KALRN: variants seen among roughly 807,000 people sequenced by gnomAD.
The protein encoded by KALRN is kalirin.
Under a neutral mutation model 353.7 loss-of-function variants are expected in KALRN, and 70 were observed. The observed-to-expected ratio is 0.20, with a 90% CI of 0.16 to 0.24. The LOEUF is 0.24. Ranked by LOEUF, KALRN falls within the 10% of genes least tolerant of loss-of-function variation. KALRN has a pLI of 1.00. For synonymous variants in KALRN, 1,391 were observed against 1,434.8 expected (o/e 0.97, Z 0.69); for missense variants, 2,791 against 3,756.7 (o/e 0.74, Z 6.72).
At chr3:124,188,369 G>C (rs1207918411) in intron 1 of KALRN, among the ~76,000 whole-genome samples, 10 of 152,204 alleles carry the variant, frequency 6.6e-5, no homozygotes, top group Non-Finnish European at 8.8e-5. Context: ...GGGTGCGCAA[G>C]GGTGGTGGAG....
intron 36 of KALRN, among the ~76,000 whole-genome samples, chr3:124,635,020 C>G (rs533852006): frequency 6.6e-6 from 1 of 152,146 alleles, no homozygotes; most frequent in Non-Finnish European, 1.5e-5. Context: ...TGTGCTAGGC[C>G]GGAAGGACAA....
chr3:124,633,447 C>G (rs565140618), intron 35 of KALRN, among the ~76,000 whole-genome samples: 3 of 152,344 alleles, frequency 2.0e-5, no homozygotes, highest in East Asian at 3.9e-4. Context: ...ACTGGACCCC[C>G]TCTTGTTGTG....
chr3:124,178,213 G>T (rs1169478617), intron 1 of KALRN, among the ~76,000 whole-genome samples: 1 of 152,172 alleles, frequency 6.6e-6, no homozygotes, highest in Non-Finnish European at 1.5e-5. Flanking sequence ...TACTTTCCAA[G>T]AACTTCAGTG....
chr3:124,368,515 A>G (rs1237114864), intron 10 of KALRN, among the ~76,000 whole-genome samples: 1 of 148,114 alleles, frequency 6.8e-6, no homozygotes, highest in African/African-American at 2.5e-5. Flanking sequence ...GTGGCTGGGA[A>G]GAGGCACTCC....
rs2062119076 is a variant in KALRN at position 124,697,716 on chromosome 3, G to A, written c.7823G>A (p.Arg2608Lys). 6.4e-7 allele frequency: 1 copy of A among 1,574,294 alleles called. No homozygotes were observed. ...ATTTCTGGTTACACTGTGGAGTACA[G>A]AGAGGAAGGTGCACTATCTCCTGCT... ...CTISGYTVEY[R>K]EEGSQIWQQS... is the part of the protein sequence containing the mutation. Residue 2608 changes from arginine to lysine, a missense_variant, in exon 55 of 60, where the codon AGA becomes AAA. Physicochemically the swap from Arg to Lys is conservative, Grantham distance 26. Coordinates refer to ENST00000682506, the MANE Select transcript of KALRN (RefSeq NM_001388419.1).
intron 28 of KALRN, among the ~76,000 whole-genome samples, chr3:124,485,625 A>C (rs1458769079): frequency 6.6e-6 from 1 of 152,242 alleles, no homozygotes; most frequent in Non-Finnish European, 1.5e-5. Context: ...CACACCTATA[A>C]TCCCAGCACT....
intron 1 of KALRN, among the ~76,000 whole-genome samples, chr3:124,218,930 C>T (rs991682143): frequency 3.3e-5 from 5 of 152,172 alleles, no homozygotes; most frequent in Non-Finnish European, 7.3e-5. Context: ...TCAAAGGTAG[C>T]CCATTAGCCA....
At chr3:124,419,579 T>C (rs2092684858) in intron 14 of KALRN, among the ~76,000 whole-genome samples, 1 of 152,052 alleles carries the variant, frequency 6.6e-6, no homozygotes, top group Admixed American at 6.6e-5. Flanking sequence ...TATTGGGTGA[T>C]ATGAGTGAAG....
rs375000525 is a variant in KALRN at position 124,170,579 on chromosome 3, C to T, written c.74-57411C>T. ...ACAGAGAGTTGTTGGCTGTGACCAA[C>T]AGGTTGATATATGAGAGAAGACGTT... is the stretch of plus-strand genomic sequence containing the variant. On this transcript the variant is annotated intron_variant, in intron 1 of 59. Coordinates refer to ENST00000682506, the MANE Select transcript of KALRN (RefSeq NM_001388419.1). 2.0e-5 allele frequency among the ~76,000 whole-genome samples: 3 copies of T among 152,250 alleles called. No homozygotes were observed. In the South Asian group the frequency reaches 6.2e-4, roughly 32 times the overall value.
At position 124,722,628 on chromosome 3, in the gene KALRN, AG is replaced by A. The variant is rs538754875; in HGVS notation, c.*3160del. 35 of 152,288 alleles carry A rather than the reference AG, an allele frequency of 2.3e-4. No individual in the cohort carries two copies. Among genetic ancestry groups the A allele is most frequent in the Admixed American group, 2.0e-3 (31 of 15,290 alleles). The allele number at this position is 152,288 out of a possible 1,614,324, so 9.4% of individuals were successfully genotyped here. A position where few individuals can be genotyped will look rare whatever the true frequency, so the allele number is the denominator to read the frequency against. ...ATGATGATCCTGGGGAATGTACTTT[AG>A]GTTGCTCTGAGGGCAACCGTGCTTA... On this transcript the variant is annotated 3_prime_UTR_variant, in exon 60 of 60. Transcript: ENST00000682506.
In KALRN at chr3:124,594,711, T is replaced by G. The variant is rs571737751; in HGVS notation, c.5182+31622T>G. ...AACAGACTAATTCTTGTCCTGGGAC[T>G]GACATATCTCCAGTCCCACTTCCCA... On this transcript the variant is annotated intron_variant, in intron 34 of 59. Coordinates refer to ENST00000682506, the MANE Select transcript of KALRN (RefSeq NM_001388419.1). Among the ~76,000 whole-genome samples the G allele has an allele frequency of 1.4e-4, 22 of 152,340 alleles. No individual in the cohort carries two copies. In the South Asian group the frequency reaches 3.7e-3, roughly 26 times the overall value.
At chr3:124,355,709 C>CTTTTTTTTTTTTTTTT (rs3055894) in intron 10 of KALRN, among the ~76,000 whole-genome samples, 10 of 97,412 alleles carry the variant, frequency 1.0e-4, no homozygotes, top group African/African-American at 4.0e-4. Context: ...TCTCTCCCAT[C>CTTTTTTTTTTTTTTTT]TTTTTTTTTT....
intron 6 of KALRN, among the ~76,000 whole-genome samples, chr3:124,312,194 C>A (rs892990062): frequency 6.6e-6 from 1 of 152,052 alleles, no homozygotes; most frequent in Non-Finnish European, 1.5e-5. Context: ...GAATTTCACT[C>A]TTGTTGCCCA....
intron 33 of KALRN, among the ~76,000 whole-genome samples, chr3:124,528,302 G>A (rs332414): frequency 0.72 from 110,136 of 152,042 alleles, 41,202 homozygotes; most frequent in African/African-American, 0.9. Flanking sequence ...TTCCTGTTAC[G>A]GTCTTTGGAT....
intron 1 of KALRN, among the ~76,000 whole-genome samples, chr3:124,149,369 T>C (rs947091844): frequency 6.6e-6 from 1 of 152,118 alleles, no homozygotes; most frequent in African/African-American, 2.4e-5. Flanking sequence ...CACCTACCTA[T>C]CTCCCTGTAC....
At chr3:124,571,871 G>T (rs1308414185) in intron 34 of KALRN, among the ~76,000 whole-genome samples, 1 of 151,510 alleles carries the variant, frequency 6.6e-6, no homozygotes, top group African/African-American at 2.4e-5. Flanking sequence ...CAAGCAATCT[G>T]CCTGCCTTGG....
chr3:124,426,827 C>T (rs9818944), intron 15 of KALRN, among the ~76,000 whole-genome samples: 3,982 of 152,258 alleles, frequency 0.026, 178 homozygotes, highest in African/African-American at 0.089. Context: ...ATCTATTAGA[C>T]AATTCAGAAA....
Position 124,508,293 on chromosome 3 carries a change from C to T in KALRN, c.4935+11880C>T, listed in dbSNP as rs552610270. ...ATCCCCGTTTGTGCCCCTCCCTGGT[C>T]ACAACCCTGGAGGTCACCATTCTCC... On this transcript the variant is annotated intron_variant, in intron 33 of 59. Transcript: ENST00000682506. Among the ~76,000 whole-genome samples, 10 of 152,312 alleles carry T rather than the reference C, an allele frequency of 6.6e-5. No homozygotes were observed. In the South Asian group the frequency reaches 2.1e-3, roughly 32 times the overall value.
Position 124,266,012 on chromosome 3 carries a change from G to A in KALRN, c.456+1322G>A, listed in dbSNP as rs57951944. 0.036 allele frequency among the ~76,000 whole-genome samples: 5,458 copies of A among 152,208 alleles called. 732 individuals carry two copies. In the East Asian group the frequency reaches 0.47, roughly 13 times the overall value. ...TGCCTGTAATCCAAGCTACTCAAGA[G>A]GCTGAGGCAGGAGAATCACTTGAAC... On this transcript the variant is annotated intron_variant, in intron 4 of 59. Coordinates refer to ENST00000682506, the MANE Select transcript of KALRN (RefSeq NM_001388419.1).
Sources: gnomAD v4.1 joint callset for allele counts (sites outside exome capture counted in the v4.1 genomes callset) on GRCh38, gnomAD v4.1.1 for gene constraint, MANE v1.5 for transcripts, NCBI Gene and HGNC (gene_info 2026-07-23, HGNC 2026-07-21) for gene names.